BCL11B: variants seen among roughly 807,000 people sequenced by gnomAD.
BCL11B encodes the protein B-cell lymphoma/leukemia 11B.
A neutral mutation model predicts 49.9 loss-of-function variants in BCL11B; 8 were observed. That is an observed-to-expected ratio of 0.16 (90% CI 0.09 to 0.29). The LOEUF is 0.29. Ranked by LOEUF, BCL11B falls within the 10% of genes least tolerant of loss-of-function variation. The probability of loss-of-function intolerance (pLI) is 1.00; values close to 1 mark genes in which losing one functional copy is unlikely to be tolerated. For synonymous variants in BCL11B, 739 were observed against 637.4 expected (o/e 1.16, Z -2.40); for missense variants, 1,006 against 1,351.0 (o/e 0.74, Z 4.00).
At chr14:99,271,027 A>T in intron 1 of BCL11B, 134 bp downstream of exon 1, 1 of 920,296 alleles carries the variant, frequency 1.1e-6, no homozygotes. Flanking sequence ...CTCCAGGCCG[A>T]CGCCGTAGAC....
intron 2 of BCL11B, among the ~76,000 whole-genome samples, chr14:99,239,247 T>G (rs554800192): frequency 7.2e-5 from 11 of 152,338 alleles, no homozygotes; most frequent in African/African-American, 2.4e-4. Context: ...CTAAGACAAT[T>G]TAATTCAAGA....
In BCL11B at chr14:99,231,591, C is replaced by A. The variant is rs976341168; in HGVS notation, c.428-34G>T. On this transcript the variant is annotated intron_variant, in intron 2 of 3. Coordinates refer to ENST00000357195, the MANE Select transcript of BCL11B (RefSeq NM_138576.4). The surrounding 1 kb of genome is among the most constrained non-coding windows in gnomAD (Gnocchi z 8.1). ...AAAACAATAGAAAAGACTGGTCAGT[C>A]GGGCCCTGGACTGTGTGAGGGGCAC... The A allele has an allele frequency of 1.4e-6, 2 of 1,401,578 alleles. No individual in the cohort carries two copies. The highest frequency in any genetic ancestry group is 4.2e-5 in the Admixed American group (2 of 48,052). 86.8% of individuals were successfully genotyped at this position (1,401,578 alleles called of 1,614,324 possible).
intron 3 of BCL11B, among the ~76,000 whole-genome samples, chr14:99,216,894 A>G (rs1887852455): frequency 6.6e-6 from 1 of 150,766 alleles, no homozygotes; most frequent in South Asian, 2.1e-4. Flanking sequence ...CAGATACCAT[A>G]TACACTCAGA....
chr14:99,229,855 G>A (rs1288499238), intron 3 of BCL11B, among the ~76,000 whole-genome samples: 1 of 152,008 alleles, frequency 6.6e-6, no homozygotes, highest in South Asian at 2.1e-4. Context: ...GACAGAGCAG[G>A]CACCCCCTGC....
intron 3 of BCL11B, among the ~76,000 whole-genome samples, chr14:99,182,874 T>C (rs1886748089): frequency 6.6e-6 from 1 of 152,234 alleles, no homozygotes; most frequent in African/African-American, 2.4e-5. Context: ...TGGATCTCAG[T>C]AGATGTAAAT....
At chr14:99,229,393 C>T (rs1156486175) in intron 3 of BCL11B, among the ~76,000 whole-genome samples, 2 of 152,156 alleles carry the variant, frequency 1.3e-5, no homozygotes, top group Non-Finnish European at 2.9e-5. Context: ...CAGTGGAAAG[C>T]TCATTCGACC....
At position 99,181,928 on chromosome 14, in the gene BCL11B, T is replaced by C. The variant is rs370152506; in HGVS notation, c.641-5733A>G. Among the ~76,000 whole-genome samples the C allele has an allele frequency of 4.6e-5, 7 of 152,232 alleles. No individual in the cohort carries two copies. The East Asian group carries it at 5.8e-4, about 13-fold the overall frequency. ...AGATGCCGTCTCCACAGTTCCAAAA[T>C]GATCGTAATTATCAGTGTTATCCCT... On this transcript the variant is annotated intron_variant, in intron 3 of 3. Transcript: ENST00000357195.
At position 99,228,082 on chromosome 14, in the gene BCL11B, C is replaced by G. The variant is rs561484130; in HGVS notation, c.640+3263G>C. On this transcript the variant is annotated intron_variant, in intron 3 of 3. Transcript: ENST00000357195. The surrounding 1 kb of genome is among the most constrained non-coding windows in gnomAD (Gnocchi z 4.8). ...CTATAAATAACTGCAGATGCGGTAA[C>G]AGGCACGCAATTAACCTGTGTGAAA... is the stretch of plus-strand genomic sequence containing the variant. 1.3e-5 allele frequency among the ~76,000 whole-genome samples: 2 copies of G among 152,328 alleles called. No individual in the cohort carries two copies. The highest frequency in any genetic ancestry group is 4.1e-4 in the South Asian group (2 of 4,828).
At chr14:99,196,141 G>A (rs1887172204) in intron 3 of BCL11B, among the ~76,000 whole-genome samples, 1 of 152,082 alleles carries the variant, frequency 6.6e-6, no homozygotes, top group Non-Finnish European at 1.5e-5. Flanking sequence ...AGATAGAATC[G>A]AAGGTGCTTG....
intron 3 of BCL11B, among the ~76,000 whole-genome samples, chr14:99,199,011 T>C (rs1887264145): frequency 1.3e-5 from 2 of 152,122 alleles, no homozygotes; most frequent in Admixed American, 6.5e-5. Context: ...GCGGGGCCGT[T>C]GTCCAAAACA....
At chr14:99,264,011 T>A (rs1235124038) in intron 1 of BCL11B, 1 of 152,202 alleles carries the variant, frequency 6.6e-6, no homozygotes, top group African/African-American at 2.4e-5. Context: ...ATTTAGCAGG[T>A]TCTATAAAAC....
chr14:99,218,902 A>C (rs1887930824), intron 3 of BCL11B, among the ~76,000 whole-genome samples: 1 of 152,198 alleles, frequency 6.6e-6, no homozygotes, highest in African/African-American at 2.4e-5. Context: ...AATTGTTCAG[A>C]AGAGAAGTCA....
chr14:99,214,486 AG>A (rs780107640), intron 3 of BCL11B, among the ~76,000 whole-genome samples: 13 of 151,960 alleles, frequency 8.6e-5, no homozygotes, highest in Non-Finnish European at 1.8e-4. Context: ...TGAGCCCAGA[AG>A]GTTGAGGCTG....
intron 3 of BCL11B, among the ~76,000 whole-genome samples, chr14:99,218,658 G>C (rs1388313359): frequency 6.6e-6 from 1 of 152,202 alleles, no homozygotes; most frequent in Non-Finnish European, 1.5e-5. Context: ...AGTTCACCGA[G>C]ACCAGCTGGG....
Position 99,231,605 on chromosome 14 carries a change from T to C in BCL11B, c.428-48A>G. 1 of 1,501,560 alleles carries C rather than the reference T, an allele frequency of 6.7e-7. No homozygotes were observed. The highest frequency in any genetic ancestry group is 9.0e-7 in the Non-Finnish European group (1 of 1,108,320). 93.0% of individuals were successfully genotyped at this position (1,501,560 alleles called of 1,614,324 possible). ...GACTGGTCAGTCGGGCCCTGGACTG[T>C]GTGAGGGGCACGGGGTGGGACGGGG... is the stretch of plus-strand genomic sequence containing the variant. On this transcript the variant is annotated intron_variant, in intron 2 of 3. Coordinates refer to ENST00000357195, the MANE Select transcript of BCL11B (RefSeq NM_138576.4). This position sits in a 1 kb window ranked among gnomAD's most constrained non-coding sequence, Gnocchi z 8.1.
rs1461890836 is a variant in BCL11B, at chr14:99,174,904, G to A, written c.1932C>T (p.Asp644=). The part of the protein sequence containing the change: ...GDDDDAGGCG[D]AGAGGAVNGR... ...CGTTGACCGCGCCGCCCGCGCCCGC[G>A]TCCCCGCAGCCGCCCGCGTCGTCGT... Residue 644 remains aspartate, a synonymous_variant, in exon 4 of 4, where the codon GAC becomes GAT. Transcript: ENST00000357195. 4 of 1,099,508 alleles carry A rather than the reference G, an allele frequency of 3.6e-6. No individual in the cohort carries two copies. Among genetic ancestry groups the A allele is most frequent in the East Asian group, 5.6e-5 (1 of 17,820 alleles). 68.1% of individuals were successfully genotyped at this position (1,099,508 alleles called of 1,614,324 possible).
intron 1 of BCL11B, among the ~76,000 whole-genome samples, chr14:99,259,457 A>G (rs902634314): frequency 1.3e-5 from 2 of 152,252 alleles, no homozygotes; most frequent in African/African-American, 4.8e-5. Flanking sequence ...TGTAAGACGT[A>G]CAACGCGCAC....
chr14:99,267,281 A>T (rs913752486), intron 1 of BCL11B, among the ~76,000 whole-genome samples: 1 of 151,360 alleles, frequency 6.6e-6, no homozygotes, highest in African/African-American at 2.4e-5. Flanking sequence ...AAAAAAAAAG[A>T]AAAGAAAAGA....
rs779498463 is a variant in BCL11B at position 99,205,962 on chromosome 14, G to T, written c.640+25383C>A. 2.0e-5 allele frequency among the ~76,000 whole-genome samples: 3 copies of T among 152,166 alleles called. No individual in the cohort carries two copies. The highest frequency in any genetic ancestry group is 4.4e-5 in the Non-Finnish European group (3 of 68,048). ...GTTGGGAGGGGAGTCTTGTGGGAAG[G>T]GAGCCTGAAGTACCCCCGATACCCT... On this transcript the variant is annotated intron_variant, in intron 3 of 3. Transcript: ENST00000357195. The surrounding 1 kb of genome is among the most constrained non-coding windows in gnomAD (Gnocchi z 5.0).
Sources: allele counts gnomAD v4.1 joint callset (sites outside exome capture counted in the v4.1 genomes callset), GRCh38; gene constraint gnomAD v4.1.1; non-coding constraint Gnocchi (gnomAD v3.1); transcripts MANE v1.5; gene names NCBI Gene and HGNC (gene_info 2026-07-23, HGNC 2026-07-21).